USP24: variants seen among roughly 807,000 people sequenced by gnomAD.
The protein encoded by USP24 is ubiquitin specific peptidase 24.
Under a neutral mutation model 361.6 loss-of-function variants are expected in USP24, and 97 were observed. The observed-to-expected ratio is 0.27, with a 90% CI of 0.23 to 0.32. The LOEUF is 0.32. Among genes scored for constraint, USP24 ranks in the 10% least tolerant of loss-of-function variants. USP24 has a pLI of 1.00. For synonymous variants in USP24, 1,098 were observed against 1,124.6 expected (o/e 0.98, Z 0.47); for missense variants, 2,353 against 3,165.6 (o/e 0.74, Z 6.16).
chr1:55,138,465 C>G, intron 26 of USP24, 143 bp downstream of exon 26: 1 of 567,474 alleles, frequency 1.8e-6, no homozygotes, highest in Non-Finnish European at 3.1e-6. Flanking sequence ...TTGTACCCCA[C>G]AGTTTCATTT....
intron 52 of USP24, 141 bp downstream of exon 52, chr1:55,093,796 T>C (rs1645434176): frequency 3.3e-6 from 4 of 1,215,650 alleles, no homozygotes; most frequent in Non-Finnish European, 4.5e-6. Context: ...TGTCGTGGCA[T>C]AAAAGGTTCA....
chr1:55,148,980 G>A (rs1430806690), intron 16 of USP24, among the ~76,000 whole-genome samples: 1 of 152,166 alleles, frequency 6.6e-6, no homozygotes, highest in Non-Finnish European at 1.5e-5. Flanking sequence ...TAAGAATATT[G>A]CTTTCTATGA....
At chr1:55,175,219 CTTTTTTTTTTTTTTTT>C (rs3072970) in intron 3 of USP24, among the ~76,000 whole-genome samples, 1 of 66,914 alleles carries the variant, frequency 1.5e-5, no homozygotes, top group Admixed American at 2.2e-4. Flanking sequence ...TACTGGGTCT[CTTTTTTTTTTTTTTTT>C]TTTTTTTTTG....
intron 1 of USP24, among the ~76,000 whole-genome samples, chr1:55,193,684 A>T (rs1226153875): frequency 4.6e-5 from 7 of 152,202 alleles, no homozygotes; most frequent in Non-Finnish European, 1.0e-4. Context: ...TAATACGTCT[A>T]CTGAGCACCT....
chr1:55,166,187 A>G (rs1463127591), intron 6 of USP24, among the ~76,000 whole-genome samples: 1 of 151,810 alleles, frequency 6.6e-6, no homozygotes, highest in African/African-American at 2.4e-5. Context: ...AAAATATACA[A>G]TTAAGTTATT....
chr1:55,170,233 G>A (rs1649308155), intron 5 of USP24, among the ~76,000 whole-genome samples: 1 of 151,902 alleles, frequency 6.6e-6, no homozygotes, highest in South Asian at 2.1e-4. Flanking sequence ...GGAGGAATAT[G>A]CTTGAGAAGG....
rs778479917 is a variant in USP24, at chr1:55,159,662, A to G, written c.1017T>C (p.Leu339=). Residue 339 remains leucine (L), a synonymous_variant, in exon 9 of 68, where the codon CTT becomes CTC. Coordinates refer to ENST00000294383, the MANE Select transcript of USP24 (RefSeq NM_015306.3). The part of the protein sequence containing the change: ...VVQPMLDPVI[L]TTIQDVRSVE... ...CACTCCGTACATCCTGGATTGTAGT[A>G]AGAATGACTGGGTCTAGCATGGGCT... 1.3e-6 allele frequency: 2 copies of G among 1,561,312 alleles called. No homozygotes were observed. The highest frequency in any genetic ancestry group is 1.7e-4 in the Middle Eastern group (1 of 5,998).
In USP24 at chr1:55,123,596, T is replaced by C. The variant is rs760453625; in HGVS notation, c.4127A>G (p.Asn1376Ser). Residue 1376 changes from asparagine to serine, a missense_variant, in exon 36 of 68, where the codon AAT becomes AGT. Transcript: ENST00000294383. ...IRNRLSSSGS[N>S]CSSGSEGEPV... ...TTCTCCTTCACTTCCAGAGCTGCAA[T>C]TGCTTCCTGAAAACAGGTAAGCAGA... The C allele has an allele frequency of 5.7e-6, 9 of 1,591,260 alleles. No individual in the cohort carries two copies. Among genetic ancestry groups the C allele is most frequent in the Admixed American group, 1.8e-5 (1 of 56,860 alleles).
At chr1:55,086,844 A>G (rs979883299) in intron 55 of USP24, among the ~76,000 whole-genome samples, 1 of 152,240 alleles carries the variant, frequency 6.6e-6, no homozygotes, top group Non-Finnish European at 1.5e-5. Context: ...GCAAATGTCA[A>G]CAACTTGCCT....
At chr1:55,183,189 G>C (rs1484640793) in intron 1 of USP24, among the ~76,000 whole-genome samples, 2 of 152,178 alleles carry the variant, frequency 1.3e-5, no homozygotes, top group Non-Finnish European at 2.9e-5. Context: ...AAAGGATTTA[G>C]TACTGGATCA....
At position 55,154,127 on chromosome 1, in the gene USP24, T is replaced by C; in HGVS notation, c.1804A>G (p.Ile602Val). ...TAAAAGCTGAAACCAACCCTCTTAATATCTTCTATGCACTTGATGATGTAG... is the reference window on the plus strand; with the variant it reads ...TAAAAGCTGAAACCAACCCTCTTAACATCTTCTATGCACTTGATGATGTAG... ...RSYIIKCIED[I>V]KRPGEWSGLE... is the part of the protein sequence containing the mutation. The change falls in exon 15 of 68, where the codon ATT becomes GTT. Residue 602 changes from isoleucine (I) to valine (V), a missense_variant. Transcript: ENST00000294383. 1.2e-6 allele frequency: 2 copies of C among 1,613,572 alleles called. No homozygotes were observed. The highest frequency in any genetic ancestry group is 1.7e-6 in the Non-Finnish European group (2 of 1,179,640).
In USP24 at chr1:55,137,621, A is replaced by C. The variant is rs1646774903; in HGVS notation, c.3095T>G (p.Val1032Gly). The change falls in exon 28 of 68, where the codon GTG becomes GGG. Residue 1032 changes from valine (V) to glycine (G), a missense_variant. Transcript: ENST00000294383. Reference sequence around the variant, plus strand: ...TGGGGTCCCACTGCCAGAAGTCTTCACTGTAAGGATTTGTTCATCAGAAAA... The same window carrying C: ...TGGGGTCCCACTGCCAGAAGTCTTCCCTGTAAGGATTTGTTCATCAGAAAA... ...LGFSDEQILTVKTSGSGTPSG... is the reference protein window; with the variant it reads ...LGFSDEQILTGKTSGSGTPSG... 1 of 1,613,266 alleles carries C rather than the reference A, an allele frequency of 6.2e-7. No homozygotes were observed. Among genetic ancestry groups the C allele is most frequent in the Non-Finnish European group, 8.5e-7 (1 of 1,179,622 alleles).
chr1:55,100,773 CA>C (rs1645613963), intron 44 of USP24, 65 bp downstream of exon 44: 2 of 1,469,574 alleles, frequency 1.4e-6, no homozygotes, highest in Non-Finnish European at 1.8e-6. Flanking sequence ...AAACCATTAC[CA>C]TTAGAGAAAG....
In USP24 at chr1:55,107,346, C is replaced by T. The variant is rs1370911381; in HGVS notation, c.4655G>A (p.Arg1552His). 9 of 1,613,786 alleles carry T rather than the reference C, an allele frequency of 5.6e-6. No homozygotes were observed. Among genetic ancestry groups the T allele is most frequent in the Middle Eastern group, 1.6e-4 (1 of 6,062 alleles). ...TTCACTGGTCTCACATTCAGCTGTA[C>T]GATTAGGTTCAAAGTTATCCAGCCA... Reference protein sequence around the residue: ...ITWLDNFEPNRTAECETSEAD... With the variant: ...ITWLDNFEPNHTAECETSEAD... Residue 1552 changes from arginine to histidine, a missense_variant, in exon 40 of 68, where the codon CGT becomes CAT. Physicochemically the swap from Arg to His is conservative, Grantham distance 29. Around this residue, in one of 8 missense-constraint regions of USP24, gnomAD observed 949 missense variants for 1,280.5 expected, o/e 0.74. Coordinates refer to ENST00000294383, the MANE Select transcript of USP24 (RefSeq NM_015306.3).
intron 40 of USP24, 149 bp downstream of exon 40, chr1:55,107,090 C>T: frequency 1.2e-6 from 1 of 859,510 alleles, no homozygotes; most frequent in Non-Finnish European, 1.7e-6. Flanking sequence ...GTTTGTTAGC[C>T]ACTAAAATAA....
rs188039767 is a variant in USP24 at position 55,156,722 on chromosome 1, T to A, written c.1446+226A>T. Among the ~76,000 whole-genome samples, 511 of 152,254 alleles carry A rather than the reference T, an allele frequency of 3.4e-3. 4 individuals carry two copies. Among genetic ancestry groups the A allele is most frequent in the African/African-American group, 0.012 (497 of 41,552 alleles). On this transcript the variant is annotated intron_variant, in intron 12 of 67. Coordinates refer to ENST00000294383, the MANE Select transcript of USP24 (RefSeq NM_015306.3). ...TATATGACCTTCTCATTTTTTAATT[T>A]AAAAAATTAGAAGACCAGACTAGAT...
In USP24 at chr1:55,098,651, A is replaced by G; in HGVS notation, c.5371-93T>C. 5 of 882,302 alleles carry G rather than the reference A, an allele frequency of 5.7e-6. No homozygotes were observed. The East Asian group carries it at 1.3e-4, about 23-fold the overall frequency. The allele number at this position is 882,302 out of a possible 1,614,324, so 54.7% of individuals were successfully genotyped here. On this transcript the variant is annotated intron_variant, in intron 45 of 67. Transcript: ENST00000294383. ...AACACATTGCAATTTAAGGACCAAA[A>G]CAAAACGCGTCATTCTGGTAGTATC...
intron 1 of USP24, among the ~76,000 whole-genome samples, chr1:55,201,600 CAAAAAAAAAAAAAA>C (rs56659823): frequency 0.1 from 3,580 of 35,732 alleles, 109 homozygotes; most frequent in South Asian, 0.21. Context: ...GACTCCATCT[CAAAAAAAAAAAAAA>C]AAAAAAAAAA....
chr1:55,091,212 G>C (rs971786212), intron 54 of USP24, among the ~76,000 whole-genome samples: 2 of 152,004 alleles, frequency 1.3e-5, no homozygotes. Flanking sequence ...TAGGAACAGG[G>C]CCGCACAGCA....
Sources: allele counts gnomAD v4.1 joint callset (sites outside exome capture counted in the v4.1 genomes callset), GRCh38; gene constraint gnomAD v4.1.1; regional missense constraint gnomAD v4.1.1; transcripts MANE v1.5; gene names NCBI Gene and HGNC (gene_info 2026-07-23, HGNC 2026-07-21).